The following POLE2 variants were observed in gnomAD, a reference collection of about 807,000 sequenced individuals.
POLE2 encodes the protein DNA polymerase epsilon subunit 2.
A neutral mutation model predicts 79.4 loss-of-function variants in POLE2; 56 were observed. That is an observed-to-expected ratio of 0.71 (90% CI 0.57 to 0.88). The LOEUF (loss-of-function observed/expected upper bound fraction) is 0.88. POLE2 is among the 40% of genes least tolerant of loss of function. The pLI, the probability that POLE2 is intolerant of heterozygous loss-of-function variation, is 0.00. For synonymous variants in POLE2, 212 were observed against 214.0 expected (o/e 0.99, Z 0.08); for missense variants, 598 against 638.9 (o/e 0.94, Z 0.69).
chr14:49,647,527 C>T (rs948349332), intron 17 of POLE2, among the ~76,000 whole-genome samples, 167 bp from the exon 18 acceptor site: 2 of 151,676 alleles, frequency 1.3e-5, no homozygotes, highest in African/African-American at 4.8e-5. Flanking sequence ...GGGGCAATCT[C>T]ACTGCAACCT....
At chr14:49,677,089 T>A (rs1157745308) in intron 3 of POLE2, among the ~76,000 whole-genome samples, 2 of 152,108 alleles carry the variant, frequency 1.3e-5, no homozygotes, top group Non-Finnish European at 1.5e-5. Flanking sequence ...GTGGACCTAG[T>A]GGAGGGGTTA....
chr14:49,675,853 A>G (rs549797620), intron 3 of POLE2, among the ~76,000 whole-genome samples: 1 of 147,106 alleles, frequency 6.8e-6, no homozygotes, highest in Non-Finnish European at 1.5e-5. Context: ...TCCTGGGTTC[A>G]AGTGATTCTC....
At position 49,652,123 on chromosome 14, in the gene POLE2, T is replaced by C. The variant is rs41398846; in HGVS notation, c.1212-746A>G. Among the ~76,000 whole-genome samples the C allele has an allele frequency of 7.6e-3, 1,063 of 139,940 alleles. 75 individuals carry two copies. The highest frequency in any genetic ancestry group is 0.031 in the African/African-American group (954 of 30,524). 91.8% of individuals were successfully genotyped at this position (139,940 alleles called of 152,430 possible). On this transcript the variant is annotated intron_variant, in intron 15 of 18. Transcript: ENST00000216367. ...GGGAAGGTGGATGGGATATGCCTTATGCTTTACAGGATCACTTTCACACTG... is the reference window on the plus strand; with the variant it reads ...GGGAAGGTGGATGGGATATGCCTTACGCTTTACAGGATCACTTTCACACTG...
intron 2 of POLE2, chr14:49,681,240 AAC>A (rs1159174007): frequency 4.9e-5 from 10 of 203,764 alleles, no homozygotes; most frequent in Non-Finnish European, 9.5e-5. Flanking sequence ...TTAAGTATTT[AAC>A]AAAAAGGTCC....
At position 49,687,578 on chromosome 14, in the gene POLE2, T is replaced by C. The variant is rs1007135569; in HGVS notation, c.68+558A>G. ...TTGATAACCGGCTGCCATAGATAGGTTGCAGCTTCTCGGGCTCAGTTTGAC... is the reference window on the plus strand; with the variant it reads ...TTGATAACCGGCTGCCATAGATAGGCTGCAGCTTCTCGGGCTCAGTTTGAC... On this transcript the variant is annotated intron_variant, in intron 1 of 18. Coordinates refer to ENST00000216367, the MANE Select transcript of POLE2 (RefSeq NM_002692.4). Among the ~76,000 whole-genome samples the C allele has an allele frequency of 6.6e-5, 10 of 152,066 alleles. No individual in the cohort carries two copies. In the East Asian group the frequency reaches 1.2e-3, roughly 18 times the overall value.
intron 3 of POLE2, 57 bp from the exon 4 acceptor site, chr14:49,674,484 T>C: frequency 1.0e-6 from 1 of 992,426 alleles, no homozygotes; most frequent in Non-Finnish European, 1.6e-6. Context: ...GTACTCTAGG[T>C]GAACATGATA....
Position 49,654,219 on chromosome 14 carries a change from A to G in POLE2, c.1074-5T>C. ...GGTACAAACACAAAACGACTACTGT[A>G]GCAAAATTCAACACAATTCATTTAA... On this transcript the variant is annotated splice_polypyrimidine_tract_variant and splice_region_variant and intron_variant, in intron 13 of 18. Transcript: ENST00000216367. 5 of 1,597,182 alleles carry G rather than the reference A, an allele frequency of 3.1e-6. No homozygotes were observed. The highest frequency in any genetic ancestry group is 3.4e-6 in the Non-Finnish European group (4 of 1,166,574).
chr14:49,670,915 T>G (rs1885838303), intron 5 of POLE2, among the ~76,000 whole-genome samples: 1 of 152,214 alleles, frequency 6.6e-6, no homozygotes, highest in South Asian at 2.1e-4. Context: ...TATTTGAGTT[T>G]CTGTAACCTC....
intron 1 of POLE2, among the ~76,000 whole-genome samples, chr14:49,685,190 T>C (rs189843211): frequency 7.2e-5 from 11 of 152,336 alleles, no homozygotes; most frequent in Non-Finnish European, 1.6e-4. Flanking sequence ...ATTTAACATT[T>C]CACATATTAT....
Position 49,663,623 on chromosome 14 carries a change from G to A in POLE2, c.683-236C>T, listed in dbSNP as rs1024109776. On this transcript the variant is annotated intron_variant, in intron 9 of 18. Transcript: ENST00000216367. ...TTTTCACTTTTCAGTTTGGCAGTAC[G>A]TGTTGATACAGATTAGGAAATGTTT... Among the ~76,000 whole-genome samples, 5 of 152,086 alleles carry A rather than the reference G, an allele frequency of 3.3e-5. No homozygotes were observed. The East Asian group carries it at 5.8e-4, about 18-fold the overall frequency.
intron 16 of POLE2, among the ~76,000 whole-genome samples, chr14:49,650,653 A>T (rs903457214): frequency 6.6e-6 from 1 of 152,196 alleles, no homozygotes; most frequent in African/African-American, 2.4e-5. Context: ...ATGAGTTTTC[A>T]TTTAATAACA....
chr14:49,682,389 G>A (rs1020617415), intron 2 of POLE2, among the ~76,000 whole-genome samples: 2 of 151,026 alleles, frequency 1.3e-5, no homozygotes, highest in Non-Finnish European at 3.0e-5. Context: ...TGTAATCCCA[G>A]CACTTTGGGA....
intron 5 of POLE2, among the ~76,000 whole-genome samples, chr14:49,672,861 T>C (rs1479304110): frequency 6.6e-6 from 1 of 152,158 alleles, no homozygotes; most frequent in Non-Finnish European, 1.5e-5. Context: ...TTCCATTTTT[T>C]ACTCTATGCA....
intron 18 of POLE2, among the ~76,000 whole-genome samples, chr14:49,645,881 C>CAT (rs1883723735): frequency 6.6e-6 from 1 of 152,188 alleles, no homozygotes; most frequent in Admixed American, 6.5e-5. Context: ...ATCTGCCTGC[C>CAT]TTGGCCTCCC....
intron 12 of POLE2, 41 bp from the exon 13 acceptor site, chr14:49,654,879 T>A: frequency 6.8e-7 from 1 of 1,466,880 alleles, no homozygotes; most frequent in Non-Finnish European, 9.0e-7. Context: ...TTGCATATAA[T>A]GCCATAAAAT....
rs1279459158 is a variant in POLE2 at position 49,653,993 on chromosome 14, C to T, written c.1208G>A (p.Cys403Tyr). ...AACACAAAATACTAATTCTTACCTG[C>T]AAGGATTAGTAGTAAAAACTGAAAA... Reference protein sequence around the residue: ...VPFSVFTTNPCRIQYCTQEIT... With the variant: ...VPFSVFTTNPYRIQYCTQEIT... Residue 403 changes from cysteine (C) to tyrosine (Y), a missense_variant, in exon 15 of 19, where the codon TGC becomes TAC. Coordinates refer to ENST00000216367, the MANE Select transcript of POLE2 (RefSeq NM_002692.4). 3 of 1,526,550 alleles carry T rather than the reference C, an allele frequency of 2.0e-6. No homozygotes were observed. The highest frequency in any genetic ancestry group is 2.3e-5 in the South Asian group (2 of 88,572). 94.6% of individuals were successfully genotyped at this position (1,526,550 alleles called of 1,614,324 possible).
intron 3 of POLE2, 122 bp from the exon 4 acceptor site, chr14:49,674,549 C>A (rs1886123077): frequency 3.0e-6 from 2 of 663,376 alleles, no homozygotes; most frequent in African/African-American, 1.8e-5. Context: ...TCAGGCCAGG[C>A]ACACAATTTC....
At chr14:49,686,037 T>C (rs1327453085) in intron 1 of POLE2, among the ~76,000 whole-genome samples, 1 of 152,148 alleles carries the variant, frequency 6.6e-6, no homozygotes, top group Non-Finnish European at 1.5e-5. Flanking sequence ...CCTTCTTTCC[T>C]GGAATCCCTT....
chr14:49,646,349 A>C (rs2139599844), intron 18 of POLE2, among the ~76,000 whole-genome samples: 1 of 104,690 alleles, frequency 9.6e-6, no homozygotes, highest in Non-Finnish European at 1.8e-5. Context: ...ATAGAGTCTC[A>C]CTCTGTTGCC....
Sources: gnomAD v4.1 joint callset for allele counts (sites outside exome capture counted in the v4.1 genomes callset) on GRCh38, gnomAD v4.1.1 for gene constraint, MANE v1.5 for transcripts, NCBI Gene and HGNC (gene_info 2026-07-23, HGNC 2026-07-21) for gene names.